The following DPRX variants were observed in gnomAD, a reference collection of about 807,000 sequenced individuals.
DPRX encodes the protein divergent-paired related homeobox.
A neutral mutation model predicts 8.4 loss-of-function variants in DPRX; 11 were observed. The observed-to-expected ratio is 1.31, with a 90% confidence interval of 0.82 to 2.17. DPRX has a LOEUF of 2.17. DPRX is among the 30% of genes most tolerant of loss of function. The pLI is 0.00. For synonymous variants in DPRX, 72 were observed against 87.0 expected, an observed-to-expected ratio of 0.83 and a Z score of 0.96; for missense variants, 211 against 236.7, an observed-to-expected ratio of 0.89 and a Z score of 0.71.
chr19:53,636,574 C>A, intron 2 of DPRX, 22 bp from the exon 3 acceptor site: 1 of 1,507,046 alleles, frequency 6.6e-7, no homozygotes, highest in Non-Finnish European at 8.9e-7. Flanking sequence ...CCACCCCATT[C>A]TCTTCTCTCT....
the DPRX span, chr19:53,602,091 T>C: frequency 2.2e-6 from 1 of 456,738 alleles, no homozygotes; most frequent in East Asian, 7.0e-5. Flanking sequence ...CGCTGCGATG[T>C]AGATCAGCTC....
chr19:53,619,470 T>A, the DPRX span, among the ~76,000 whole-genome samples: 3 of 151,552 alleles, frequency 2.0e-5, no homozygotes, highest in Non-Finnish European at 4.4e-5. Context: ...AGGTTGGGAG[T>A]TAGAGACCAG....
At chr19:53,618,076 A>G in the DPRX span, among the ~76,000 whole-genome samples, 1 of 151,430 alleles carries the variant, frequency 6.6e-6, no homozygotes, top group Non-Finnish European at 1.5e-5. Flanking sequence ...TGGGAGGCGG[A>G]GGCTGCAGTG....
At chr19:53,635,129 C>A (rs955499508) in intron 2 of DPRX, among the ~76,000 whole-genome samples, 13 of 152,078 alleles carry the variant, frequency 8.5e-5, no homozygotes, top group African/African-American at 3.1e-4. Context: ...TACAGGTGCA[C>A]ACTACGCCTC....
At chr19:53,604,240 G>A in the DPRX span, among the ~76,000 whole-genome samples, 3 of 151,932 alleles carry the variant, frequency 2.0e-5, no homozygotes, top group Admixed American at 1.3e-4. Context: ...CCGCGGTTTC[G>A]GGCATGTACT....
chr19:53,615,718 C>T, the DPRX span, among the ~76,000 whole-genome samples: 8 of 152,064 alleles, frequency 5.3e-5, no homozygotes, highest in Admixed American at 4.6e-4. Flanking sequence ...TTACTACAGT[C>T]CTCTTTTATT....
chr19:53,601,946 T>C, the DPRX span: 3 of 446,120 alleles, frequency 6.7e-6, no homozygotes, highest in South Asian at 4.8e-5. Flanking sequence ...GCTTGAGGCA[T>C]GCAGAGTCCA....
upstream of DPRX, among the ~76,000 whole-genome samples, chr19:53,627,556 C>T (rs1227718059): frequency 6.6e-6 from 1 of 150,770 alleles, no homozygotes; most frequent in Non-Finnish European, 1.5e-5. Flanking sequence ...CCTGCCTCAG[C>T]CTCCCCAGTA....
At chr19:53,605,056 G>A in the DPRX span, among the ~76,000 whole-genome samples, 1 of 152,068 alleles carries the variant, frequency 6.6e-6, no homozygotes, top group Non-Finnish European at 1.5e-5. Flanking sequence ...GCTCATGCCT[G>A]TAATCTCAGC....
chr19:53,610,533 C>T, the DPRX span, among the ~76,000 whole-genome samples: 1 of 152,142 alleles, frequency 6.6e-6, no homozygotes, highest in East Asian at 1.9e-4. Flanking sequence ...AATATTGCCA[C>T]TTAGAAAGCT....
chr19:53,612,032 C>G, the DPRX span, among the ~76,000 whole-genome samples: 118 of 149,986 alleles, frequency 7.9e-4, 1 homozygote, highest in African/African-American at 2.7e-3. Context: ...TGCCGTGAGC[C>G]GAGATCGTGC....
In DPRX at chr19:53,634,065, G is replaced by A. The variant is rs369247010; in HGVS notation, c.29-466G>A. Among the ~76,000 whole-genome samples, 10 of 152,310 alleles carry A rather than the reference G, an allele frequency of 6.6e-5. No individual in the cohort carries two copies. In the East Asian group the frequency reaches 1.5e-3, roughly 24 times the overall value. On this transcript the variant is annotated intron_variant, in intron 1 of 2. Coordinates refer to ENST00000376650, the Ensembl canonical transcript of DPRX. ...AAAAGGCAGATCAAGTTGTCCTCCCGCTTCAGCCTCCCACAGTACTGGGAC... is the reference window on the plus strand; with the variant it reads ...AAAAGGCAGATCAAGTTGTCCTCCCACTTCAGCCTCCCACAGTACTGGGAC...
upstream of DPRX, among the ~76,000 whole-genome samples, chr19:53,629,080 G>T (rs917432770): frequency 2.6e-5 from 4 of 151,370 alleles, no homozygotes; most frequent in African/African-American, 9.7e-5. Flanking sequence ...TTGGGAGGCC[G>T]AGGCGGGCAG....
chr19:53,624,412 G>GT, the DPRX span, among the ~76,000 whole-genome samples: 11 of 143,310 alleles, frequency 7.7e-5, no homozygotes, highest in East Asian at 2.2e-4. Flanking sequence ...TTTGTTTTTT[G>GT]TTTTTTTTGA....
chr19:53,607,989 G>C, the DPRX span, among the ~76,000 whole-genome samples: 3 of 151,200 alleles, frequency 2.0e-5, no homozygotes, highest in African/African-American at 7.3e-5. Flanking sequence ...CCTGGCCAAC[G>C]TGGTAAAACC....
chr19:53,609,031 C>T, the DPRX span, among the ~76,000 whole-genome samples: 1 of 147,158 alleles, frequency 6.8e-6, no homozygotes, highest in Non-Finnish European at 1.5e-5. Flanking sequence ...AAAGAAAGAC[C>T]TTACAATTCA....
At chr19:53,603,746 C>CT in the DPRX span, among the ~76,000 whole-genome samples, 2,979 of 140,302 alleles carry the variant, frequency 0.021, 39 homozygotes, top group Middle Eastern at 0.042. Context: ...TCTTTTCTTT[C>CT]TTTTTTTTTT....
chr19:53,619,159 G>A, the DPRX span, among the ~76,000 whole-genome samples: 1 of 152,124 alleles, frequency 6.6e-6, no homozygotes, highest in Non-Finnish European at 1.5e-5. Context: ...TTCAGTTCCA[G>A]AGGTTTATTT....
At chr19:53,627,644 G>A (rs2091076562), upstream of DPRX, among the ~76,000 whole-genome samples, 1 of 150,560 alleles carries the variant, frequency 6.6e-6, no homozygotes, top group Admixed American at 6.6e-5. Flanking sequence ...TCGCCACGTT[G>A]GCCTGGCTGG....
Sources: allele counts gnomAD v4.1 joint callset (sites outside exome capture counted in the v4.1 genomes callset), GRCh38; gene constraint gnomAD v4.1.1; transcripts MANE v1.5; gene names NCBI Gene and HGNC (gene_info 2026-07-23, HGNC 2026-07-21).